Variants in CGNL1 observed in about 807,000 individuals in gnomAD.
The protein encoded by CGNL1 is cingulin like 1.
In CGNL1, 132 loss-of-function variants were observed where a neutral mutation model predicts 141.2. The observed-to-expected ratio is 0.93, with a 90% CI of 0.81 to 1.08. The LOEUF is 1.08. Among genes scored for constraint, CGNL1 ranks in the 50% least tolerant of loss-of-function variants. The pLI, the probability that CGNL1 is intolerant of heterozygous loss-of-function variation, is 0.00. For missense variants in CGNL1, 1,870 were observed against 1,588.6 expected (o/e 1.18, Z -3.01); for synonymous variants, 690 against 622.1 (o/e 1.11, Z -1.63).
chr15:57,545,852 C>A, intron 17 of CGNL1, 152 bp downstream of exon 17: 1 of 772,792 alleles, frequency 1.3e-6, no homozygotes, highest in Non-Finnish European at 2.1e-6. Flanking sequence ...CAAATGGGGG[C>A]TTCTTGCCTA....
chr15:57,528,572 G>A (rs1248095849), intron 12 of CGNL1, 82 bp from the exon 13 acceptor site: 3 of 1,397,352 alleles, frequency 2.1e-6, no homozygotes, highest in Non-Finnish European at 3.0e-6. Flanking sequence ...CCTTTTGGTG[G>A]GGTCAGCCTG....
chr15:57,426,337 G>T (rs147318838), intron 1 of CGNL1, among the ~76,000 whole-genome samples: 4 of 151,928 alleles, frequency 2.6e-5, no homozygotes, highest in African/African-American at 9.7e-5. Context: ...TAGAGACAGG[G>T]TTTCACCATG....
intron 6 of CGNL1, 137 bp from the exon 7 acceptor site, chr15:57,453,546 C>T: frequency 9.3e-7 from 1 of 1,075,330 alleles, no homozygotes; most frequent in Non-Finnish European, 1.3e-6. Context: ...TGATCCCTTG[C>T]TCAGTGCAGA....
At chr15:57,382,797 A>T (rs1267837840) in intron 1 of CGNL1, among the ~76,000 whole-genome samples, 4 of 152,112 alleles carry the variant, frequency 2.6e-5, no homozygotes, top group Non-Finnish European at 4.4e-5. Flanking sequence ...TGTTAGTCCC[A>T]TTTTCCAAGT....
intron 3 of CGNL1, 35 bp downstream of exon 3, chr15:57,440,506 G>A (rs1262301787): frequency 1.0e-5 from 15 of 1,437,344 alleles, no homozygotes; most frequent in Non-Finnish European, 1.4e-5. Flanking sequence ...GCAAAGTATT[G>A]TTGTTTCTGG....
At chr15:57,464,076 T>C (rs1247987457) in intron 8 of CGNL1, among the ~76,000 whole-genome samples, 2 of 151,388 alleles carry the variant, frequency 1.3e-5, no homozygotes, top group Non-Finnish European at 2.9e-5. Flanking sequence ...TTTTGTCCTT[T>C]TTTTTTTTCC....
In CGNL1 at chr15:57,523,700, C is replaced by T. The variant is rs1319464684; in HGVS notation, c.2868+59C>T. Reference sequence around the variant, plus strand: ...CCAGATGTCTTTGTTGGACCCAGTCCCCTCTGAGGGTCTGGTGAAAGCCTG... The same window carrying T: ...CCAGATGTCTTTGTTGGACCCAGTCTCCTCTGAGGGTCTGGTGAAAGCCTG... On this transcript the variant is annotated intron_variant, in intron 11 of 18. Transcript: ENST00000281282. The T allele has an allele frequency of 5.1e-6, 8 of 1,583,798 alleles. No individual in the cohort carries two copies. The Admixed American group carries it at 1.2e-4, about 24-fold the overall frequency.
At chr15:57,474,013 C>T (rs538209976) in intron 8 of CGNL1, among the ~76,000 whole-genome samples, 6 of 148,356 alleles carry the variant, frequency 4.0e-5, no homozygotes, top group East Asian at 4.2e-4. Flanking sequence ...CGGGTTCAAG[C>T]GATTCTCCTG....
At chr15:57,480,036 A>T (rs1362136208) in intron 8 of CGNL1, among the ~76,000 whole-genome samples, 1 of 152,180 alleles carries the variant, frequency 6.6e-6, no homozygotes, top group African/African-American at 2.4e-5. Context: ...TATCCCAAAG[A>T]GCTGTGGCAG....
At chr15:57,515,838 G>A (rs1440411174) in intron 8 of CGNL1, among the ~76,000 whole-genome samples, 10 of 152,100 alleles carry the variant, frequency 6.6e-5, no homozygotes, top group Admixed American at 1.3e-4. Context: ...TCTGTACTCC[G>A]AAGCTGCCCT....
At chr15:57,497,859 T>C (rs2063963745) in intron 8 of CGNL1, among the ~76,000 whole-genome samples, 1 of 152,216 alleles carries the variant, frequency 6.6e-6, no homozygotes. Flanking sequence ...TAGGGAGGCA[T>C]TTCTTTCTCA....
intron 8 of CGNL1, among the ~76,000 whole-genome samples, chr15:57,507,550 AT>A (rs2064119898): frequency 6.6e-6 from 1 of 152,200 alleles, no homozygotes; most frequent in Non-Finnish European, 1.5e-5. Context: ...AAAAGGGAGT[AT>A]CTTTTAGGTG....
intron 8 of CGNL1, among the ~76,000 whole-genome samples, chr15:57,479,969 C>T (rs1246218581): frequency 1.3e-5 from 2 of 152,084 alleles, no homozygotes; most frequent in African/African-American, 2.4e-5. Flanking sequence ...GAGGAGAAGC[C>T]GTGAGCTACA....
chr15:57,416,319 C>T (rs186511390), intron 1 of CGNL1, among the ~76,000 whole-genome samples: 1 of 151,806 alleles, frequency 6.6e-6, no homozygotes, highest in Non-Finnish European at 1.5e-5. Context: ...GGTAACTTGC[C>T]CAAAGTCTCA....
intron 8 of CGNL1, among the ~76,000 whole-genome samples, chr15:57,479,954 G>A (rs2063704844): frequency 6.6e-6 from 1 of 152,176 alleles, no homozygotes; most frequent in African/African-American, 2.4e-5. Flanking sequence ...TGACAGCAAA[G>A]GACAGAGGAG....
intron 8 of CGNL1, among the ~76,000 whole-genome samples, chr15:57,462,799 C>A (rs2063463593): frequency 6.6e-6 from 1 of 152,108 alleles, no homozygotes; most frequent in African/African-American, 2.4e-5. Context: ...AATAAAAAGT[C>A]TGGGAAATAG....
At chr15:57,488,473 C>CATGAAG (rs1357048278) in intron 8 of CGNL1, among the ~76,000 whole-genome samples, 3 of 152,204 alleles carry the variant, frequency 2.0e-5, no homozygotes, top group African/African-American at 7.2e-5. Context: ...CATCCAAGGT[C>CATGAAG]ATGAAGACCT....
In CGNL1 at chr15:57,451,543, A is replaced by G. The variant is rs1393245234; in HGVS notation, c.1847A>G (p.Lys616Arg). 6.8e-6 allele frequency: 11 copies of G among 1,613,542 alleles called. No individual in the cohort carries two copies. The highest frequency in any genetic ancestry group is 1.3e-5 in the African/African-American group (1 of 74,922). ...GAAGTCAAAGATCTATTGGAACAGAAAAGCAAGTTGACCATAGAAGTGGCT... is the reference window on the plus strand; with the variant it reads ...GAAGTCAAAGATCTATTGGAACAGAGAAGCAAGTTGACCATAGAAGTGGCT... ...TSEVKDLLEQ[K>R]SKLTIEVAEL... is the part of the protein sequence containing the mutation. Residue 616 changes from lysine (K) to arginine (R), a missense_variant, in exon 5 of 19, where the codon AAA (lysine) becomes AGA (arginine). Coordinates refer to ENST00000281282, the MANE Select transcript of CGNL1 (RefSeq NM_032866.5).
chr15:57,486,477 C>G (rs1341220934), intron 8 of CGNL1, among the ~76,000 whole-genome samples: 1 of 152,200 alleles, frequency 6.6e-6, no homozygotes, highest in Non-Finnish European at 1.5e-5. Flanking sequence ...ATCACCAAAT[C>G]TGGTCCATTC....
Sources: gnomAD v4.1 joint callset for allele counts (sites outside exome capture counted in the v4.1 genomes callset) on GRCh38, gnomAD v4.1.1 for gene constraint, MANE v1.5 for transcripts, NCBI Gene and HGNC (gene_info 2026-07-23, HGNC 2026-07-21) for gene names.